The following SLC25A12 variants were observed in gnomAD, a reference collection of about 807,000 sequenced individuals.
SLC25A12 encodes solute carrier family 25 member 12.
A neutral mutation model predicts 83.3 loss-of-function variants in SLC25A12; 32 were observed. The observed-to-expected ratio is 0.38, with a 90% CI of 0.29 to 0.52. The LOEUF (loss-of-function observed/expected upper bound fraction) is 0.52. Ranked by LOEUF, SLC25A12 falls within the 20% of genes least tolerant of loss-of-function variation. The probability of loss-of-function intolerance (pLI) is 0.84; values close to 1 mark genes in which losing one functional copy is unlikely to be tolerated. For synonymous variants in SLC25A12, 267 were observed against 291.1 expected, an observed-to-expected ratio of 0.92 and a Z score of 0.84; for missense variants, 611 against 835.6, an observed-to-expected ratio of 0.73 and a Z score of 3.31.
chr2:171,847,430 G>C (rs1684822301), intron 4 of SLC25A12, among the ~76,000 whole-genome samples: 1 of 152,316 alleles, frequency 6.6e-6, no homozygotes, highest in African/African-American at 2.4e-5. Context: ...CAAACAGCTG[G>C]TGTTTTTATG....
At chr2:171,881,702 T>C (rs563955862) in intron 2 of SLC25A12, among the ~76,000 whole-genome samples, 1 of 152,328 alleles carries the variant, frequency 6.6e-6, no homozygotes, top group African/African-American at 2.4e-5. Context: ...CTCTAGGCTA[T>C]GAGTCCTTTA....
chr2:171,882,617 G>A (rs952403784), intron 2 of SLC25A12, among the ~76,000 whole-genome samples: 4 of 152,274 alleles, frequency 2.6e-5, no homozygotes, highest in African/African-American at 7.2e-5. Context: ...CTAAGCCTAC[G>A]CATGTTTAAC....
At chr2:171,834,657 C>G (rs1422262291) in intron 7 of SLC25A12, 70 bp downstream of exon 7, 4 of 1,531,142 alleles carry the variant, frequency 2.6e-6, no homozygotes, top group Middle Eastern at 3.6e-4. Flanking sequence ...AAGCTTAGAT[C>G]AACATCATGC....
At chr2:171,797,505 A>G (rs1683622920) in intron 13 of SLC25A12, among the ~76,000 whole-genome samples, 1 of 152,226 alleles carries the variant, frequency 6.6e-6, no homozygotes, top group Non-Finnish European at 1.5e-5. Flanking sequence ...AGCATACTCT[A>G]TTGTACCTTT....
At chr2:171,791,391 G>T (rs1683454484) in intron 15 of SLC25A12, 60 bp downstream of exon 15, 2 of 1,358,440 alleles carry the variant, frequency 1.5e-6, no homozygotes, top group African/African-American at 1.4e-5. Context: ...AGTACATAGA[G>T]ATTCTGTACT....
chr2:171,844,931 T>C (rs1018690835), intron 4 of SLC25A12, among the ~76,000 whole-genome samples: 4 of 152,154 alleles, frequency 2.6e-5, no homozygotes, highest in Non-Finnish European at 5.9e-5. Flanking sequence ...ATACTAAGTA[T>C]GGTTTGATTG....
intron 2 of SLC25A12, among the ~76,000 whole-genome samples, chr2:171,871,321 T>G (rs1439708986): frequency 6.6e-6 from 1 of 152,114 alleles, no homozygotes; most frequent in African/African-American, 2.4e-5. Flanking sequence ...TCCCAACACT[T>G]TGGGATGCCA....
intron 2 of SLC25A12, among the ~76,000 whole-genome samples, chr2:171,883,213 A>G (rs911328703): frequency 3.3e-5 from 5 of 152,252 alleles, no homozygotes; most frequent in Non-Finnish European, 7.3e-5. Context: ...TCAACTTAGA[A>G]GAGAAGGAAA....
intron 4 of SLC25A12, among the ~76,000 whole-genome samples, chr2:171,855,137 G>T (rs558419678): frequency 6.6e-6 from 1 of 152,238 alleles, no homozygotes; most frequent in African/African-American, 2.4e-5. Flanking sequence ...TGAAAAAATT[G>T]TTGCAAGAAA....
intron 13 of SLC25A12, among the ~76,000 whole-genome samples, chr2:171,796,753 A>C (rs959112658): frequency 6.6e-6 from 1 of 152,220 alleles, no homozygotes; most frequent in African/African-American, 2.4e-5. Context: ...AAAGATAAAG[A>C]CTGCAAAAAC....
chr2:171,842,273 GA>G (rs201208506), intron 5 of SLC25A12, among the ~76,000 whole-genome samples: 2,936 of 141,360 alleles, frequency 0.021, 55 homozygotes, highest in Admixed American at 0.072. Context: ...ATGCTAAGTG[GA>G]AAAAAAAAAA....
Position 171,894,207 on chromosome 2 carries a change from A to T in SLC25A12, c.8T>A (p.Val3Asp). The T allele has an allele frequency of 6.2e-7, 1 of 1,608,666 alleles. No individual in the cohort carries two copies. The highest frequency in any genetic ancestry group is 8.5e-7 in the Non-Finnish European group (1 of 1,177,738). MA[V>D]KVQTTKRGDP... ...GCAGCAGAGAGTTGGAGTCACCTTG[A>T]CCGCCATGCTGTGCTCGGAAGCCGG... Residue 3 changes from valine (V) to aspartate (D), a missense_variant, in exon 1 of 18, where the codon GTC (valine) becomes GAC (aspartate). By Grantham distance (152) the Val-to-Asp change is radical. Transcript: ENST00000422440.
intron 3 of SLC25A12, among the ~76,000 whole-genome samples, chr2:171,858,370 G>A (rs1328368728): frequency 6.6e-6 from 1 of 152,060 alleles, no homozygotes; most frequent in Non-Finnish European, 1.5e-5. Context: ...ATAAAAATAG[G>A]CTGATTATGG....
intron 13 of SLC25A12, among the ~76,000 whole-genome samples, chr2:171,796,249 G>C (rs536551585): frequency 4.5e-4 from 69 of 152,306 alleles, no homozygotes; most frequent in Admixed American, 6.5e-4. Flanking sequence ...ACCCAGCTGG[G>C]ACTACATTTT....
chr2:171,822,133 C>T (rs987213050), intron 9 of SLC25A12, among the ~76,000 whole-genome samples: 18 of 152,028 alleles, frequency 1.2e-4, no homozygotes, highest in African/African-American at 3.9e-4. Context: ...TATATTAATA[C>T]TTTTTCCTCA....
chr2:171,846,305 G>A (rs1684797352), intron 4 of SLC25A12, among the ~76,000 whole-genome samples: 1 of 151,844 alleles, frequency 6.6e-6, no homozygotes, highest in Non-Finnish European at 1.5e-5. Context: ...TTATTTCATG[G>A]TAACCTTTTA....
chr2:171,811,782 T>C (rs1449617349), intron 11 of SLC25A12, among the ~76,000 whole-genome samples: 1 of 152,190 alleles, frequency 6.6e-6, no homozygotes, highest in Non-Finnish European at 1.5e-5. Context: ...AAATGAAATC[T>C]TCTGTAAGCA....
At chr2:171,887,107 C>T (rs1476504165) in intron 2 of SLC25A12, among the ~76,000 whole-genome samples, 2 of 152,056 alleles carry the variant, frequency 1.3e-5, no homozygotes, top group Non-Finnish European at 2.9e-5. Context: ...CAGCTCCAGG[C>T]TACTGTCAAA....
chr2:171,785,440 C>CGTG lies in SLC25A12; in HGVS notation c.1868_1870dup (p.Ser623_Arg624insPro). ...GTTGGCAGGAGGAAGGTCTGCAATG[C>CGTG]GTGACTTAGGTGTTGGTTCTGAACC... On this transcript the variant is annotated inframe_insertion, in exon 18 of 18. Transcript: ENST00000422440. 1 of 1,614,160 alleles carries CGTG rather than the reference C, an allele frequency of 6.2e-7. No homozygotes were observed. The highest frequency in any genetic ancestry group is 8.5e-7 in the Non-Finnish European group (1 of 1,180,040).
Sources: gnomAD v4.1 joint callset for allele counts (sites outside exome capture counted in the v4.1 genomes callset) on GRCh38, gnomAD v4.1.1 for gene constraint, MANE v1.5 for transcripts, NCBI Gene and HGNC (gene_info 2026-07-23, HGNC 2026-07-21) for gene names.